The following CASP6 variants were observed in gnomAD, a reference collection of about 807,000 sequenced individuals.
The protein encoded by CASP6 is caspase 6, also known as caspase-6.
CASP6 carries 20 observed loss-of-function variants against 31.8 expected under a neutral mutation model. That is an observed-to-expected ratio of 0.63 (90% CI 0.44 to 0.91). The LOEUF (loss-of-function observed/expected upper bound fraction) is 0.91, where lower values mean the gene tolerates loss of function less well. Ranked by LOEUF, CASP6 falls within the 40% of genes least tolerant of loss-of-function variation. CASP6 has a pLI of 0.00. For synonymous variants in CASP6, 130 were observed against 127.8 expected, an observed-to-expected ratio of 1.02 and a Z score of -0.12; for missense variants, 328 against 361.1, an observed-to-expected ratio of 0.91 and a Z score of 0.74.
rs560381893 is a variant in CASP6 at position 109,690,516 on chromosome 4, T to C, written c.643+334A>G. 4.5e-3 allele frequency among the ~76,000 whole-genome samples: 675 copies of C among 151,104 alleles called. 2 individuals carry two copies. Among genetic ancestry groups the C allele is most frequent in the Non-Finnish European group, 6.3e-3 (424 of 67,790 alleles). On this transcript the variant is annotated intron_variant, in intron 6 of 6. Coordinates refer to ENST00000265164, the MANE Select transcript of CASP6 (RefSeq NM_001226.4). Reference sequence around the variant, plus strand: ...CAGCCTCAGTGACAGAGTTGAGACCTTGTCTCAAAAAAAAAAAAAATTAAA... The same window carrying C: ...CAGCCTCAGTGACAGAGTTGAGACCCTGTCTCAAAAAAAAAAAAAATTAAA...
intron 5 of CASP6, among the ~76,000 whole-genome samples, chr4:109,693,119 C>T (rs1332004098): frequency 2.0e-5 from 3 of 152,216 alleles, no homozygotes; most frequent in Admixed American, 1.3e-4. Flanking sequence ...CACTCTCTTG[C>T]TCCCACTCCC....
the CASP6 span, among the ~76,000 whole-genome samples, chr4:109,670,118 G>A: frequency 0.31 from 47,036 of 152,080 alleles, 7,490 homozygotes; most frequent in East Asian, 0.47. Flanking sequence ...CTGGATAAAG[G>A]GAACTGCAGT....
At chr4:109,678,004 G>A in the CASP6 span, among the ~76,000 whole-genome samples, 1 of 151,438 alleles carries the variant, frequency 6.6e-6, no homozygotes, top group South Asian at 2.1e-4. Context: ...TTGAGATTAG[G>A]GAGTGGTGAT....
downstream of CASP6, among the ~76,000 whole-genome samples, chr4:109,685,913 TC>T (rs1729827621): frequency 6.6e-6 from 1 of 152,218 alleles, no homozygotes; most frequent in Non-Finnish European, 1.5e-5. Flanking sequence ...CCCAATTTAC[TC>T]ATTAACTTTG....
At chr4:109,673,634 G>T in the CASP6 span, among the ~76,000 whole-genome samples, 1 of 152,168 alleles carries the variant, frequency 6.6e-6, no homozygotes, top group Non-Finnish European at 1.5e-5. Flanking sequence ...TACAAATTTG[G>T]AGTTTTCAAA....
chr4:109,694,235 A>G (rs189178803), intron 5 of CASP6, among the ~76,000 whole-genome samples: 1 of 152,316 alleles, frequency 6.6e-6, no homozygotes, highest in East Asian at 1.9e-4. Flanking sequence ...ATCAGCAGGT[A>G]CGCTTTCCAA....
intron 5 of CASP6, among the ~76,000 whole-genome samples, chr4:109,693,855 C>T (rs1730155666): frequency 6.6e-6 from 1 of 151,690 alleles, no homozygotes; most frequent in East Asian, 2.0e-4. Context: ...TCTCATGCCT[C>T]AGCTTCCCGA....
intron 5 of CASP6, among the ~76,000 whole-genome samples, chr4:109,693,254 C>A (rs1181787804): frequency 6.6e-6 from 1 of 152,220 alleles, no homozygotes; most frequent in East Asian, 1.9e-4. Context: ...CCAATCAAAT[C>A]TCTCTTCCTT....
At chr4:109,696,512 A>G (rs373103632) in intron 3 of CASP6, 26 bp from the exon 4 acceptor site, 4 of 1,529,102 alleles carry the variant, frequency 2.6e-6, no homozygotes, top group African/African-American at 1.4e-5. Flanking sequence ...ATGAAATGTT[A>G]GCCTATAAAC....
upstream of CASP6, among the ~76,000 whole-genome samples, chr4:109,706,672 T>C (rs1012396392): frequency 1.3e-5 from 2 of 152,174 alleles, no homozygotes; most frequent in Non-Finnish European, 2.9e-5. Flanking sequence ...GGCTCATGCC[T>C]GTAATCCCAG....
the CASP6 span, among the ~76,000 whole-genome samples, chr4:109,708,849 T>C: frequency 1.3e-5 from 2 of 152,242 alleles, no homozygotes; most frequent in African/African-American, 4.8e-5. Flanking sequence ...TGGGTACTTA[T>C]TTCAGAATTA....
At chr4:109,706,590 C>T (rs1195209088), upstream of CASP6, among the ~76,000 whole-genome samples, 1 of 152,170 alleles carries the variant, frequency 6.6e-6, no homozygotes, top group Non-Finnish European at 1.5e-5. Flanking sequence ...GGATAAAATG[C>T]TACCAAACAG....
chr4:109,706,166 T>TATAC (rs1730613141), upstream of CASP6, among the ~76,000 whole-genome samples: 2 of 92,040 alleles, frequency 2.2e-5, no homozygotes, highest in African/African-American at 6.0e-5. Flanking sequence ...TATATATATA[T>TATAC]ATATACACAC....
chr4:109,683,052 T>A, the CASP6 span: 3 of 199,410 alleles, frequency 1.5e-5, no homozygotes, highest in Admixed American at 1.8e-4. Flanking sequence ...TGTAAATAAG[T>A]ATAATATGAG....
intron 3 of CASP6, among the ~76,000 whole-genome samples, chr4:109,697,323 G>A (rs938023188): frequency 4.6e-5 from 7 of 151,870 alleles, no homozygotes; most frequent in Non-Finnish European, 7.4e-5. Context: ...CCAGCCTGGA[G>A]TGCAGTGGCA....
At chr4:109,709,746 T>C in the CASP6 span, among the ~76,000 whole-genome samples, 1 of 152,338 alleles carries the variant, frequency 6.6e-6, no homozygotes. Flanking sequence ...CAGAGATAAT[T>C]CTACAACTTA....
intron 5 of CASP6, 52 bp downstream of exon 5, chr4:109,694,473 A>C: frequency 7.0e-7 from 1 of 1,436,858 alleles, no homozygotes; most frequent in Non-Finnish European, 9.2e-7. Flanking sequence ...CCTTTATCAC[A>C]TGTTCAGAAT....
chr4:109,703,029 G>T (rs1402157539), intron 1 of CASP6, among the ~76,000 whole-genome samples: 2 of 152,170 alleles, frequency 1.3e-5, no homozygotes, highest in African/African-American at 4.8e-5. Context: ...GCCTTTTAAG[G>T]TTTAAACAGC....
downstream of CASP6, chr4:109,688,089 A>C (rs1729892595): frequency 6.6e-6 from 1 of 152,538 alleles, no homozygotes; most frequent in East Asian, 1.9e-4. Context: ...AAAAGGCATA[A>C]ATGTTCCACC....
Sources: gnomAD v4.1 joint callset for allele counts (sites outside exome capture counted in the v4.1 genomes callset) on GRCh38, gnomAD v4.1.1 for gene constraint, MANE v1.5 for transcripts, NCBI Gene and HGNC (gene_info 2026-07-23, HGNC 2026-07-21) for gene names.